Variants in ZNF407 observed in about 807,000 individuals in gnomAD.
The protein encoded by ZNF407 is zinc finger protein 407.
Under a neutral mutation model 131.2 loss-of-function variants are expected in ZNF407, and 17 were observed. The observed-to-expected ratio is 0.13, with a 90% CI of 0.09 to 0.19. The LOEUF (loss-of-function observed/expected upper bound fraction) is 0.19, where lower values mean the gene tolerates loss of function less well. ZNF407 is among the 10% of genes least tolerant of loss of function. The pLI is 1.00. For synonymous variants in ZNF407, 1,156 were observed against 1,062.0 expected (o/e 1.09, Z -1.72); for missense variants, 2,681 against 2,830.6 (o/e 0.95, Z 1.20).
intron 8 of ZNF407, among the ~76,000 whole-genome samples, chr18:74,976,408 G>A (rs1414724706): frequency 2.0e-5 from 3 of 152,146 alleles, no homozygotes; most frequent in African/African-American, 7.2e-5. Context: ...GCAAGGCGAG[G>A]GTTTCTCTGT....
intron 4 of ZNF407, among the ~76,000 whole-genome samples, chr18:74,790,559 C>T (rs1277377678): frequency 2.6e-5 from 4 of 152,132 alleles, no homozygotes; most frequent in Admixed American, 2.0e-4. Flanking sequence ...TTTTATTTCA[C>T]TTAAATTACT....
intron 3 of ZNF407, among the ~76,000 whole-genome samples, chr18:74,705,814 C>G (rs1406232235): frequency 6.6e-6 from 1 of 152,098 alleles, no homozygotes; most frequent in African/African-American, 2.4e-5. Context: ...TGTGAACTTT[C>G]TTTTGCAGGT....
intron 4 of ZNF407, among the ~76,000 whole-genome samples, chr18:74,819,910 T>C (rs1213923809): frequency 6.6e-6 from 1 of 152,206 alleles, no homozygotes; most frequent in African/African-American, 2.4e-5. Context: ...GCTTTGTTCA[T>C]TGTGCTGCCT....
intron 4 of ZNF407, among the ~76,000 whole-genome samples, chr18:74,852,258 T>G (rs1255075346): frequency 6.6e-6 from 1 of 152,110 alleles, no homozygotes; most frequent in Non-Finnish European, 1.5e-5. Context: ...CTAAAATAAT[T>G]TAACAGAAAT....
In ZNF407 at chr18:74,749,721, G is replaced by A. The variant is rs181503292; in HGVS notation, c.4803-31707G>A. On this transcript the variant is annotated intron_variant, in intron 3 of 8. Transcript: ENST00000299687. The stretch of plus-strand genomic sequence containing the variant: ...GATAGTTTTTAAAAATAATATATGT[G>A]TCTGTGAACATTTTAGTATACTGTT... Among the ~76,000 whole-genome samples, 426 of 152,242 alleles carry A rather than the reference G, an allele frequency of 2.8e-3. 2 individuals carry two copies. Among genetic ancestry groups the A allele is most frequent in the Admixed American group, 8.2e-3 (125 of 15,282 alleles).
At chr18:75,045,845 T>C (rs1016598646) in intron 8 of ZNF407, among the ~76,000 whole-genome samples, 1 of 152,206 alleles carries the variant, frequency 6.6e-6, no homozygotes, top group Non-Finnish European at 1.5e-5. Flanking sequence ...GGTAGATGAC[T>C]ATACTCTTAA....
intron 3 of ZNF407, among the ~76,000 whole-genome samples, chr18:74,706,701 A>G (rs1599085263): frequency 6.6e-6 from 1 of 152,288 alleles, no homozygotes; most frequent in South Asian, 2.1e-4. Flanking sequence ...AAAGGGATTG[A>G]GAGTGATTGG....
intron 8 of ZNF407, among the ~76,000 whole-genome samples, chr18:74,942,190 T>C (rs1434664694): frequency 1.3e-5 from 2 of 152,214 alleles, no homozygotes; most frequent in East Asian, 3.8e-4. Flanking sequence ...CCAGAAACTT[T>C]TTTGCACGAA....
At chr18:74,818,926 A>G (rs1390029159) in intron 4 of ZNF407, among the ~76,000 whole-genome samples, 3 of 150,898 alleles carry the variant, frequency 2.0e-5, no homozygotes, top group African/African-American at 7.3e-5. Context: ...GACTCTTGAT[A>G]AATCATAAAG....
At chr18:74,825,069 A>G (rs922824171) in intron 4 of ZNF407, among the ~76,000 whole-genome samples, 4 of 152,224 alleles carry the variant, frequency 2.6e-5, no homozygotes, top group African/African-American at 4.8e-5. Flanking sequence ...ACACAAATCA[A>G]TAAATGTAAT....
At chr18:74,612,023 C>T (rs528295526) in intron 1 of ZNF407, among the ~76,000 whole-genome samples, 2 of 152,234 alleles carry the variant, frequency 1.3e-5, no homozygotes, top group African/African-American at 4.8e-5. Context: ...TGCATTGTAT[C>T]ATATTCCCAT....
intron 3 of ZNF407, among the ~76,000 whole-genome samples, chr18:74,770,737 A>C (rs925855986): frequency 6.6e-6 from 1 of 152,014 alleles, no homozygotes; most frequent in Non-Finnish European, 1.5e-5. Flanking sequence ...GTTTGTATGC[A>C]TGTGTGTGTG....
At chr18:74,687,371 T>C (rs1215695147) in intron 3 of ZNF407, among the ~76,000 whole-genome samples, 3 of 152,066 alleles carry the variant, frequency 2.0e-5, no homozygotes, top group Admixed American at 2.0e-4. Context: ...CAAACCCCAG[T>C]ATAATATGTA....
chr18:74,872,324 CTTT>C (rs1185898106), intron 4 of ZNF407, among the ~76,000 whole-genome samples: 4 of 151,928 alleles, frequency 2.6e-5, no homozygotes, highest in Non-Finnish European at 5.9e-5. Context: ...ATACAATCAC[CTTT>C]TTGAGATTTT....
intron 3 of ZNF407, among the ~76,000 whole-genome samples, chr18:74,650,923 A>T (rs560062235): frequency 6.6e-6 from 1 of 151,252 alleles, no homozygotes; most frequent in African/African-American, 2.4e-5. Flanking sequence ...ATTGCTATAT[A>T]TGTGTGTGTG....
chr18:74,682,007 C>G (rs1966994410), intron 3 of ZNF407, among the ~76,000 whole-genome samples: 1 of 152,114 alleles, frequency 6.6e-6, no homozygotes, highest in South Asian at 2.1e-4. Flanking sequence ...TTTGGACCTG[C>G]TATATTGCCA....
chr18:75,012,252 C>T (rs1161117137), intron 8 of ZNF407, among the ~76,000 whole-genome samples: 1 of 151,392 alleles, frequency 6.6e-6, no homozygotes, highest in African/African-American at 2.4e-5. Context: ...TGAAGCCCAC[C>T]TGCTATACAC....
intron 3 of ZNF407, among the ~76,000 whole-genome samples, chr18:74,767,966 CT>C (rs1434313195): frequency 6.6e-6 from 1 of 151,740 alleles, no homozygotes; most frequent in Admixed American, 6.6e-5. Context: ...CGCCCTGCCC[CT>C]GAGTTCTCAT....
chr18:74,838,979 A>G (rs912844086), intron 4 of ZNF407, among the ~76,000 whole-genome samples: 2 of 152,094 alleles, frequency 1.3e-5, no homozygotes, highest in East Asian at 3.8e-4. Context: ...TTTCACTATT[A>G]TTGAGTAGAC....
Sources: allele counts gnomAD v4.1 joint callset (sites outside exome capture counted in the v4.1 genomes callset), GRCh38; gene constraint gnomAD v4.1.1; transcripts MANE v1.5; gene names NCBI Gene and HGNC (gene_info 2026-07-23, HGNC 2026-07-21).